CELF2: variants seen among roughly 807,000 people sequenced by gnomAD.
CELF2 encodes CUG triplet repeat RNA-binding protein 2.
CELF2 carries 8 observed loss-of-function variants against 62.6 expected under a neutral mutation model. The observed-to-expected ratio is 0.13, with a 90% CI of 0.07 to 0.23. The LOEUF is 0.23. CELF2 is among the 10% of genes least tolerant of loss of function. The pLI, the probability that CELF2 is intolerant of heterozygous loss-of-function variation, is 1.00. For synonymous variants in CELF2, 258 were observed against 250.0 expected (o/e 1.03, Z -0.30); for missense variants, 333 against 671.0 (o/e 0.50, Z 5.56).
the CELF2 span, among the ~76,000 whole-genome samples, chr10:10,733,906 C>T: frequency 3.9e-5 from 6 of 152,080 alleles, no homozygotes; most frequent in Non-Finnish European, 1.5e-5. Flanking sequence ...AATTTAGCGA[C>T]CCTCTTTAAG....
At chr10:11,257,485 T>C in intron 4 of CELF2, 1 of 403,490 alleles carries the variant, frequency 2.5e-6, no homozygotes, top group Middle Eastern at 3.3e-4. Flanking sequence ...TTAACAGCAT[T>C]ACATGTCATA....
intron 9 of CELF2, among the ~76,000 whole-genome samples, chr10:11,301,094 A>T (rs113169940): frequency 2.3e-4 from 35 of 152,312 alleles, no homozygotes; most frequent in African/African-American, 7.9e-4. Flanking sequence ...CCCTGCAGAT[A>T]CACTGAGACC....
At chr10:11,108,243 A>T (rs995944057) in intron 1 of CELF2, among the ~76,000 whole-genome samples, 3 of 149,846 alleles carry the variant, frequency 2.0e-5, no homozygotes, top group Admixed American at 6.7e-5. Flanking sequence ...TACCATTAGG[A>T]TGTGTCAACC....
At chr10:10,496,488 C>T in the CELF2 span, among the ~76,000 whole-genome samples, 1 of 152,140 alleles carries the variant, frequency 6.6e-6, no homozygotes, top group Admixed American at 6.5e-5. Flanking sequence ...ATTCCCAGAG[C>T]CCTAGTATGG....
At chr10:11,308,569 T>C (rs1205191805) in intron 9 of CELF2, among the ~76,000 whole-genome samples, 1 of 152,244 alleles carries the variant, frequency 6.6e-6, no homozygotes, top group African/African-American at 2.4e-5. Context: ...TTTTTACTTT[T>C]CAGCCCCAGA....
the CELF2 span, among the ~76,000 whole-genome samples, chr10:10,462,876 G>A: frequency 6.6e-6 from 1 of 152,028 alleles, no homozygotes; most frequent in South Asian, 2.1e-4. Context: ...CTATGACAAT[G>A]AGTTGTTGAT....
the CELF2 span, among the ~76,000 whole-genome samples, chr10:10,780,673 G>T: frequency 6.6e-6 from 1 of 152,144 alleles, no homozygotes; most frequent in Non-Finnish European, 1.5e-5. Flanking sequence ...TAGAGACAGG[G>T]TTTCACCATG....
Position 11,165,540 on chromosome 10 carries a change from C to G in CELF2, c.129C>G (p.Asp43Glu), listed in dbSNP as rs760212523. 1.2e-6 allele frequency: 2 copies of G among 1,614,212 alleles called. No homozygotes were observed. The highest frequency in any genetic ancestry group is 1.7e-6 in the Non-Finnish European group (2 of 1,180,046). ...NGALDHSDQP[D>E]PDAIKMFVGQ... ...CTTTGGATCACTCAGACCAACCAGA[C>G]CCAGATGCCATTAAGATGTTTGTCG... is the stretch of plus-strand genomic sequence containing the variant. The change falls in exon 2 of 13, where the codon GAC (aspartate) becomes GAG (glutamate). Residue 43 changes from aspartate (D) to glutamate (E), a missense_variant. By Grantham distance (45) the Asp-to-Glu change is conservative. Around this residue, in one of 3 missense-constraint regions of CELF2, gnomAD observed 253 missense variants for 503.0 expected, o/e 0.50. Coordinates refer to ENST00000633077, the MANE Select transcript of CELF2 (RefSeq NM_001326342.2). This position sits in a 1 kb window ranked among gnomAD's most constrained non-coding sequence, Gnocchi z 7.4.
chr10:10,487,613 C>T, the CELF2 span, among the ~76,000 whole-genome samples: 2 of 152,132 alleles, frequency 1.3e-5, no homozygotes, highest in Non-Finnish European at 2.9e-5. Flanking sequence ...TCTTTCTTCA[C>T]CTTTGGAAGT....
chr10:10,607,656 T>C, the CELF2 span, among the ~76,000 whole-genome samples: 2 of 152,142 alleles, frequency 1.3e-5, no homozygotes, highest in African/African-American at 2.4e-5. Context: ...AGGAGAGAAA[T>C]AGAAAATGTA....
At chr10:10,820,509 A>G (rs887919178) in intron 1 of CELF2, among the ~76,000 whole-genome samples, 6 of 152,220 alleles carry the variant, frequency 3.9e-5, no homozygotes, top group Non-Finnish European at 7.3e-5. Context: ...ATTGGTGAGT[A>G]TAAACAGACA....
intron 2 of CELF2, among the ~76,000 whole-genome samples, chr10:10,978,465 G>A (rs1279251524): frequency 1.3e-5 from 2 of 152,164 alleles, no homozygotes; most frequent in Admixed American, 6.5e-5. Flanking sequence ...AAGATGGCAA[G>A]AACAGATATA....
chr10:10,904,473 C>A (rs1032795174), intron 1 of CELF2, among the ~76,000 whole-genome samples: 1 of 152,154 alleles, frequency 6.6e-6, no homozygotes, highest in Non-Finnish European at 1.5e-5. Flanking sequence ...CTCAAGCCAT[C>A]CTCCCACCTC....
chr10:10,856,896 C>T (rs148851472), intron 1 of CELF2, among the ~76,000 whole-genome samples: 35 of 152,158 alleles, frequency 2.3e-4, no homozygotes, highest in African/African-American at 8.0e-4. Context: ...ACTTGCTCTC[C>T]CACCATTAAC....
At chr10:11,154,229 C>T (rs2063869502) in intron 1 of CELF2, among the ~76,000 whole-genome samples, 1 of 152,130 alleles carries the variant, frequency 6.6e-6, no homozygotes, top group Non-Finnish European at 1.5e-5. Flanking sequence ...AAGAAATAAG[C>T]AAATTAAATA....
the CELF2 span, among the ~76,000 whole-genome samples, chr10:10,715,804 T>C: frequency 6.6e-6 from 1 of 152,210 alleles, no homozygotes; most frequent in Non-Finnish European, 1.5e-5. Context: ...TAAATAGCTA[T>C]GCACAAAGCT....
chr10:11,194,193 G>A (rs2134669659), intron 2 of CELF2, among the ~76,000 whole-genome samples: 1 of 152,230 alleles, frequency 6.6e-6, no homozygotes, highest in African/African-American at 2.4e-5. Context: ...AGCCTCCTGA[G>A]TAGCTGGGAC....
At chr10:10,732,228 C>T in the CELF2 span, among the ~76,000 whole-genome samples, 1 of 152,070 alleles carries the variant, frequency 6.6e-6, no homozygotes, top group African/African-American at 2.4e-5. Flanking sequence ...TGACCTTTTT[C>T]TCATTTTAAT....
the CELF2 span, among the ~76,000 whole-genome samples, chr10:10,787,065 G>A: frequency 3.9e-5 from 6 of 152,142 alleles, no homozygotes; most frequent in Admixed American, 6.5e-5. Context: ...ATTATGTGGC[G>A]TGTGTTAGAA....
Sources: gnomAD v4.1 joint callset for allele counts (sites outside exome capture counted in the v4.1 genomes callset) on GRCh38, gnomAD v4.1.1 for gene constraint, gnomAD v4.1.1 regional missense constraint, Gnocchi (gnomAD v3.1) non-coding constraint, MANE v1.5 for transcripts, NCBI Gene and HGNC (gene_info 2026-07-23, HGNC 2026-07-21) for gene names.